PIP5K1B: variants seen among roughly 807,000 people sequenced by gnomAD.
The protein encoded by PIP5K1B is phosphatidylinositol-4-phosphate 5-kinase type 1 beta.
A neutral mutation model predicts 67.0 loss-of-function variants in PIP5K1B; 42 were observed. That is an observed-to-expected ratio of 0.63 (90% confidence interval 0.49 to 0.81). The LOEUF (loss-of-function observed/expected upper bound fraction) is 0.81. Among genes scored for constraint, PIP5K1B ranks in the 30% least tolerant of loss-of-function variants. The probability of loss-of-function intolerance (pLI) is 0.00; values close to 1 mark genes in which losing one functional copy is unlikely to be tolerated. For missense variants in PIP5K1B, 459 were observed against 646.3 expected (o/e 0.71, Z 3.14); for synonymous variants, 214 against 231.4 (o/e 0.92, Z 0.68).
intron 12 of PIP5K1B, among the ~76,000 whole-genome samples, chr9:68,927,170 T>A (rs1319089929): frequency 2.6e-5 from 4 of 152,236 alleles, no homozygotes; most frequent in Non-Finnish European, 5.9e-5. Context: ...TGTTTATTCA[T>A]CAGTTGATGG....
At chr9:68,840,209 T>C (rs1241386416) in intron 4 of PIP5K1B, among the ~76,000 whole-genome samples, 3 of 152,222 alleles carry the variant, frequency 2.0e-5, no homozygotes, top group African/African-American at 7.2e-5. Flanking sequence ...AAACCCCGTC[T>C]CTACTAAAAA....
rs1831542735 is a variant in PIP5K1B at position 68,785,216 on chromosome 9, T to C, written c.-85-33245T>C. ...GGTTCTGCTGAAAGTGTAGTTTGAA[T>C]GATTGGCTGAGGCATTGAGGATAAG... On this transcript the variant is annotated intron_variant, in intron 2 of 15. Transcript: ENST00000265382. 2.0e-5 allele frequency among the ~76,000 whole-genome samples: 3 copies of C among 152,170 alleles called. No homozygotes were observed. In the South Asian group the frequency reaches 6.2e-4, roughly 31 times the overall value.
intron 1 of PIP5K1B, among the ~76,000 whole-genome samples, chr9:68,732,778 G>T (rs999531330): frequency 6.6e-6 from 1 of 152,176 alleles, no homozygotes; most frequent in South Asian, 2.1e-4. Context: ...ACACAGTGGA[G>T]TAGAAAGGTC....
intron 2 of PIP5K1B, among the ~76,000 whole-genome samples, chr9:68,792,809 A>G (rs1351365405): frequency 1.3e-5 from 2 of 152,136 alleles, no homozygotes; most frequent in Admixed American, 6.5e-5. Flanking sequence ...GGAATGTAGT[A>G]AGATTCTTAG....
chr9:68,909,646 C>T (rs749789261), intron 8 of PIP5K1B, among the ~76,000 whole-genome samples: 33 of 152,168 alleles, frequency 2.2e-4, no homozygotes, highest in Non-Finnish European at 4.0e-4. Flanking sequence ...TTGCTGATTA[C>T]ACCACATTGT....
chr9:68,917,475 C>G, intron 8 of PIP5K1B, 73 bp from the exon 9 acceptor site: 1 of 1,036,060 alleles, frequency 9.7e-7, no homozygotes, highest in Non-Finnish European at 1.5e-6. Flanking sequence ...ATATCTAGAG[C>G]TCTCTGATAA....
chr9:68,793,205 C>T (rs1430902812), intron 2 of PIP5K1B, among the ~76,000 whole-genome samples: 2 of 116,362 alleles, frequency 1.7e-5, no homozygotes, highest in African/African-American at 2.8e-5. Flanking sequence ...GAGAGGTGGG[C>T]AATAGTGAGG....
At chr9:68,985,150 A>G (rs1399982179) in intron 14 of PIP5K1B, among the ~76,000 whole-genome samples, 1 of 152,176 alleles carries the variant, frequency 6.6e-6, no homozygotes, top group African/African-American at 2.4e-5. Context: ...TCAGAAATGT[A>G]GGCTTACAGT....
At chr9:68,963,207 TTAAAC>T (rs1317842285) in intron 14 of PIP5K1B, 2 of 456,100 alleles carry the variant, frequency 4.4e-6, no homozygotes, top group African/African-American at 4.0e-5. Flanking sequence ...CATCAGAGCA[TTAAAC>T]TAAGCAAGCA....
At chr9:68,784,465 G>A (rs1412287323) in intron 2 of PIP5K1B, 1 of 166,704 alleles carries the variant, frequency 6.0e-6, no homozygotes, top group Non-Finnish European at 1.5e-5. Flanking sequence ...ATACTTAAAA[G>A]ATTGATTGTA....
At chr9:68,716,328 G>A (rs1827631369) in intron 1 of PIP5K1B, among the ~76,000 whole-genome samples, 1 of 152,148 alleles carries the variant, frequency 6.6e-6, no homozygotes, top group Admixed American at 6.5e-5. Context: ...AGGTTTGTCT[G>A]ATCTCTCCCA....
intron 14 of PIP5K1B, chr9:68,941,255 A>G (rs963187207): frequency 8.1e-6 from 3 of 372,328 alleles, no homozygotes; most frequent in South Asian, 6.2e-5. Flanking sequence ...GTTACCTTAT[A>G]TGGCAAAAGG....
chr9:68,880,598 C>CGCAT (rs1824150604), intron 6 of PIP5K1B, among the ~76,000 whole-genome samples: 1 of 148,248 alleles, frequency 6.7e-6, no homozygotes, highest in African/African-American at 2.5e-5. Flanking sequence ...CGCATACACA[C>CGCAT]ACACACACAC....
intron 15 of PIP5K1B, among the ~76,000 whole-genome samples, chr9:68,992,350 C>G (rs1830419698): frequency 6.6e-6 from 1 of 152,172 alleles, no homozygotes; most frequent in African/African-American, 2.4e-5. Context: ...AGCCAATACT[C>G]TGTGTCGCTC....
At chr9:68,884,100 T>C (rs189741996) in intron 6 of PIP5K1B, among the ~76,000 whole-genome samples, 73 of 152,246 alleles carry the variant, frequency 4.8e-4, no homozygotes, top group Non-Finnish European at 9.0e-4. Context: ...GGCAGTGATT[T>C]CCTGAATGCA....
chr9:68,961,192 G>C (rs1828721539), intron 14 of PIP5K1B, among the ~76,000 whole-genome samples: 2 of 148,472 alleles, frequency 1.3e-5, no homozygotes, highest in East Asian at 4.0e-4. Flanking sequence ...AGTCCGGCCT[G>C]GGCGACAGAG....
rs991317562 is a variant in PIP5K1B at position 68,818,744 on chromosome 9, T to TA, written c.-1+209dup. On this transcript the variant is annotated intron_variant, in intron 3 of 15. Transcript: ENST00000265382. Reference sequence around the variant, plus strand: ...ATGAATTTTGGCATGCCAGAAGGGTTAAAAAAAAAACCGAGATGTGGTCTC... The same window carrying TA: ...ATGAATTTTGGCATGCCAGAAGGGTTAAAAAAAAAAACCGAGATGTGGTCTC... 6.5e-4 allele frequency among the ~76,000 whole-genome samples: 97 copies of TA among 149,248 alleles called. 1 individual carries two copies. Among genetic ancestry groups the TA allele is most frequent in the African/African-American group, 2.1e-3 (85 of 40,906 alleles).
intron 5 of PIP5K1B, 124 bp downstream of exon 5, chr9:68,864,091 G>A: frequency 1.2e-6 from 1 of 850,690 alleles, no homozygotes; most frequent in Non-Finnish European, 1.8e-6. Context: ...TGGGCCTTTG[G>A]CAGGGCCAAA....
chr9:68,815,868 T>G (rs1833415949), intron 2 of PIP5K1B, among the ~76,000 whole-genome samples: 1 of 152,112 alleles, frequency 6.6e-6, no homozygotes, highest in Admixed American at 6.5e-5. Flanking sequence ...GGATTTATAT[T>G]TCACTTTATT....
Sources: gnomAD v4.1 joint callset for allele counts (sites outside exome capture counted in the v4.1 genomes callset) on GRCh38, gnomAD v4.1.1 for gene constraint, MANE v1.5 for transcripts, NCBI Gene and HGNC (gene_info 2026-07-23, HGNC 2026-07-21) for gene names.